The following BMERB1 variants were observed in gnomAD, a reference collection of about 807,000 sequenced individuals.
BMERB1 encodes the protein bMERB domain containing 1, also known as bMERB domain-containing protein 1.
In BMERB1, 12 loss-of-function variants were observed where a neutral mutation model predicts 23.6. That is an observed-to-expected ratio of 0.51 (90% confidence interval 0.33 to 0.82). The LOEUF is 0.82. BMERB1 is among the 40% of genes least tolerant of loss of function. The pLI is 0.03. For missense variants in BMERB1, 247 were observed against 255.4 expected (o/e 0.97, Z 0.22); for synonymous variants, 122 against 96.6 (o/e 1.26, Z -1.54).
chr16:15,484,343 G>A (rs1414193474), intron 1 of BMERB1, among the ~76,000 whole-genome samples: 1 of 151,986 alleles, frequency 6.6e-6, no homozygotes, highest in African/African-American at 2.4e-5. Flanking sequence ...TCTAGCTTCA[G>A]TGACACTCCT....
intron 2 of BMERB1, among the ~76,000 whole-genome samples, chr16:15,562,979 C>T (rs554944069): frequency 2.6e-5 from 4 of 152,350 alleles, no homozygotes; most frequent in African/African-American, 9.6e-5. Flanking sequence ...TTAGAATGGA[C>T]AGCATGAGTT....
At chr16:15,537,419 A>G (rs189441258) in intron 2 of BMERB1, among the ~76,000 whole-genome samples, 1,509 of 146,682 alleles carry the variant, frequency 0.01, 15 homozygotes, top group Middle Eastern at 0.055. Context: ...CAGTGGCACA[A>G]TCTTGGCTCA....
chr16:15,436,338 G>C (rs182627282), intron 1 of BMERB1, among the ~76,000 whole-genome samples: 2 of 145,936 alleles, frequency 1.4e-5, no homozygotes, highest in African/African-American at 5.1e-5. Flanking sequence ...GGCTCACTGC[G>C]ACCTCCACTT....
chr16:15,514,968 G>A (rs2051727986), intron 1 of BMERB1, among the ~76,000 whole-genome samples: 1 of 152,148 alleles, frequency 6.6e-6, no homozygotes, highest in African/African-American at 2.4e-5. Context: ...TGTAGTCCCA[G>A]CTACTCGGGA....
At chr16:15,554,624 C>A (rs1449233488) in intron 2 of BMERB1, among the ~76,000 whole-genome samples, 1 of 151,048 alleles carries the variant, frequency 6.6e-6, no homozygotes, top group Admixed American at 6.6e-5. Flanking sequence ...TATAGTAAGA[C>A]CCTGCCTCTA....
rs371053199 is a variant in BMERB1 at position 15,453,080 on chromosome 16, G to A, written c.106+18321G>A. ...CCAGCTACTCGGGAGGCTGGGGCAGGAGAATCACTTGAATCCGGGAGACGG... is the reference window on the plus strand; with the variant it reads ...CCAGCTACTCGGGAGGCTGGGGCAGAAGAATCACTTGAATCCGGGAGACGG... On this transcript the variant is annotated intron_variant, in intron 1 of 5. Coordinates refer to ENST00000300006, the MANE Select transcript of BMERB1 (RefSeq NM_033201.3). Among the ~76,000 whole-genome samples the A allele has an allele frequency of 1.2e-4, 19 of 152,180 alleles. No individual in the cohort carries two copies. In the South Asian group the frequency reaches 3.9e-3, roughly 32 times the overall value.
chr16:15,529,369 G>A (rs2051945958), intron 2 of BMERB1, among the ~76,000 whole-genome samples: 1 of 152,130 alleles, frequency 6.6e-6, no homozygotes, highest in Non-Finnish European at 1.5e-5. Flanking sequence ...AAGGGAGAAT[G>A]GCAGCCCAAA....
intron 1 of BMERB1, among the ~76,000 whole-genome samples, chr16:15,499,036 A>G (rs777245294): frequency 2.2e-4 from 34 of 152,218 alleles, no homozygotes; most frequent in Non-Finnish European, 4.9e-4. Context: ...CTTCCAGAGG[A>G]TTAGGCTGGA....
intron 1 of BMERB1, among the ~76,000 whole-genome samples, chr16:15,451,294 G>A (rs2051039125): frequency 1.3e-5 from 2 of 151,942 alleles, no homozygotes; most frequent in African/African-American, 2.4e-5. Flanking sequence ...GTGTTCAAAC[G>A]ATTCTCCTGC....
chr16:15,561,088 G>T (rs2030405908), intron 2 of BMERB1, among the ~76,000 whole-genome samples: 1 of 148,426 alleles, frequency 6.7e-6, no homozygotes, highest in Non-Finnish European at 1.5e-5. Flanking sequence ...CTGAGTAGCT[G>T]GGATTACAGG....
chr16:15,522,137 A>G (rs578022152), intron 2 of BMERB1, among the ~76,000 whole-genome samples: 1 of 151,904 alleles, frequency 6.6e-6, no homozygotes, highest in Non-Finnish European at 1.5e-5. Context: ...TCTTCCTTTT[A>G]CACCCGCTTG....
At chr16:15,466,503 A>T (rs2051181764) in intron 1 of BMERB1, among the ~76,000 whole-genome samples, 1 of 151,806 alleles carries the variant, frequency 6.6e-6, no homozygotes, top group South Asian at 2.1e-4. Flanking sequence ...TATAAATTTC[A>T]GCTTGTGGCC....
chr16:15,571,805 C>T (rs537197352), intron 3 of BMERB1, among the ~76,000 whole-genome samples: 15 of 152,202 alleles, frequency 9.9e-5, no homozygotes, highest in Non-Finnish European at 1.6e-4. Context: ...ATCGTCCCTC[C>T]GCCCACCCGG....
intron 2 of BMERB1, among the ~76,000 whole-genome samples, chr16:15,566,596 G>A (rs1262617998): frequency 6.6e-6 from 1 of 152,106 alleles, no homozygotes; most frequent in East Asian, 1.9e-4. Flanking sequence ...AACCTGGGAG[G>A]CAGAGGTTGC....
chr16:15,477,580 A>G (rs2051284903), intron 1 of BMERB1, among the ~76,000 whole-genome samples: 1 of 152,128 alleles, frequency 6.6e-6, no homozygotes, highest in South Asian at 2.1e-4. Context: ...GCAGTGAGCC[A>G]TGATCGTGTC....
chr16:15,527,403 G>A (rs1240538792), intron 2 of BMERB1, among the ~76,000 whole-genome samples: 3 of 152,104 alleles, frequency 2.0e-5, no homozygotes, highest in Non-Finnish European at 4.4e-5. Context: ...TCAGGAGTTC[G>A]AGACCACCCT....
At chr16:15,514,977 G>T (rs1462517098) in intron 1 of BMERB1, among the ~76,000 whole-genome samples, 2 of 152,150 alleles carry the variant, frequency 1.3e-5, no homozygotes, top group Non-Finnish European at 2.9e-5. Context: ...AGCTACTCGG[G>T]AGGCTGAGGC....
chr16:15,545,463 C>G (rs900698206), intron 2 of BMERB1, among the ~76,000 whole-genome samples: 70 of 152,168 alleles, frequency 4.6e-4, no homozygotes, highest in Admixed American at 3.9e-3. Flanking sequence ...TGGGAACACT[C>G]TGACGCTTCT....
intron 1 of BMERB1, among the ~76,000 whole-genome samples, chr16:15,491,351 T>C (rs888787346): frequency 7.2e-5 from 11 of 152,110 alleles, no homozygotes; most frequent in African/African-American, 1.9e-4. Flanking sequence ...TGACTTTTTT[T>C]TTTCTTTCTT....
Sources: gnomAD v4.1 joint callset for allele counts (sites outside exome capture counted in the v4.1 genomes callset) on GRCh38, gnomAD v4.1.1 for gene constraint, MANE v1.5 for transcripts, NCBI Gene and HGNC (gene_info 2026-07-23, HGNC 2026-07-21) for gene names.